BARX2: variants seen among roughly 807,000 people sequenced by gnomAD.
BARX2 encodes the protein BARX homeobox 2, also known as homeobox protein BarH-like 2.
In BARX2, 11 loss-of-function variants were observed where a neutral mutation model predicts 25.5. That is an observed-to-expected ratio of 0.43 (90% CI 0.27 to 0.71). The LOEUF (loss-of-function observed/expected upper bound fraction) is 0.71. BARX2 is among the 30% of genes least tolerant of loss of function. The probability of loss-of-function intolerance (pLI) is 0.19; values close to 1 mark genes in which losing one functional copy is unlikely to be tolerated. For missense variants in BARX2, 360 were observed against 359.9 expected, an observed-to-expected ratio of 1.00 and a Z score of 0.00; for synonymous variants, 137 against 149.5, an observed-to-expected ratio of 0.92 and a Z score of 0.61.
intron 1 of BARX2, among the ~76,000 whole-genome samples, chr11:129,406,700 G>T (rs1034596609): frequency 1.3e-5 from 2 of 152,176 alleles, no homozygotes; most frequent in African/African-American, 4.8e-5. Context: ...CCTCAACGGT[G>T]ATTGAGTTCA....
chr11:129,408,427 A>G (rs1021249945), intron 1 of BARX2, among the ~76,000 whole-genome samples: 1 of 152,198 alleles, frequency 6.6e-6, no homozygotes, highest in Non-Finnish European at 1.5e-5. Flanking sequence ...CAGGCCCTAG[A>G]AGATAGCCAT....
chr11:129,408,876 A>G (rs1364346832), intron 1 of BARX2, among the ~76,000 whole-genome samples: 1 of 152,216 alleles, frequency 6.6e-6, no homozygotes, highest in African/African-American at 2.4e-5. Context: ...CAGGTGCTCA[A>G]TAAATATTTT....
chr11:129,428,729 C>A (rs1367481119), intron 1 of BARX2, among the ~76,000 whole-genome samples: 1 of 152,174 alleles, frequency 6.6e-6, no homozygotes, highest in African/African-American at 2.4e-5. Context: ...TTCTTCTGAA[C>A]TTTAGAGACA....
intron 1 of BARX2, among the ~76,000 whole-genome samples, chr11:129,380,915 T>A (rs1407468691): frequency 2.0e-5 from 3 of 152,066 alleles, no homozygotes; most frequent in African/African-American, 7.2e-5. Flanking sequence ...TAGCTGGGAT[T>A]ACAGGCGCCC....
intron 1 of BARX2, among the ~76,000 whole-genome samples, chr11:129,417,061 C>T (rs533360549): frequency 7.5e-4 from 114 of 152,028 alleles, no homozygotes; most frequent in African/African-American, 2.7e-3. Flanking sequence ...GCCACCACGC[C>T]CGGCTAATTT....
At chr11:129,442,792 C>T in intron 2 of BARX2, 43 bp from the exon 3 acceptor site, 3 of 1,537,192 alleles carry the variant, frequency 2.0e-6, no homozygotes, top group Non-Finnish European at 2.7e-6. Context: ...CTCCTGCTGC[C>T]TCCCATTCTG....
At chr11:129,378,563 C>CTTTTTTTTTTTTTTTTTTTT (rs56804728) in intron 1 of BARX2, among the ~76,000 whole-genome samples, 120 of 111,186 alleles carry the variant, frequency 1.1e-3, no homozygotes, top group Non-Finnish European at 1.4e-3. Flanking sequence ...TTTTCTTTTT[C>CTTTTTTTTTTTTTTTTTTTT]TTTTTTTTTT....
rs1318996304 is a variant in BARX2, at chr11:129,376,313, G to A, written c.187+91G>A. 1.6e-6 allele frequency: 2 copies of A among 1,258,178 alleles called. No individual in the cohort carries two copies. 77.9% of individuals were successfully genotyped at this position (1,258,178 alleles called of 1,614,324 possible). The stretch of plus-strand genomic sequence containing the variant: ...CTTTGCGATCCGAGGGCGAGAGGAA[G>A]GGTTAAGTTAAGGGATTCTTTTCCT... On this transcript the variant is annotated intron_variant, in intron 1 of 3. Coordinates refer to ENST00000281437, the MANE Select transcript of BARX2 (RefSeq NM_003658.5). This position sits in a 1 kb window ranked among gnomAD's most constrained non-coding sequence, Gnocchi z 4.2.
At chr11:129,417,612 G>A (rs1471838527) in intron 1 of BARX2, among the ~76,000 whole-genome samples, 4 of 152,318 alleles carry the variant, frequency 2.6e-5, no homozygotes, top group East Asian at 1.9e-4. Context: ...ATGAAAGCAC[G>A]CTACAGCTGT....
At chr11:129,420,106 G>T (rs1354562666) in intron 1 of BARX2, among the ~76,000 whole-genome samples, 1 of 152,002 alleles carries the variant, frequency 6.6e-6, no homozygotes, top group African/African-American at 2.4e-5. Flanking sequence ...ATTTTTTAGT[G>T]AACAAATCAG....
At chr11:129,422,960 C>T (rs148080043) in intron 1 of BARX2, among the ~76,000 whole-genome samples, 8 of 151,990 alleles carry the variant, frequency 5.3e-5, no homozygotes, top group Non-Finnish European at 1.0e-4. Context: ...GCCTTGGCCT[C>T]CCAAAGTGCT....
chr11:129,397,196 A>C (rs1048256382), intron 1 of BARX2, among the ~76,000 whole-genome samples: 4 of 151,504 alleles, frequency 2.6e-5, no homozygotes, highest in African/African-American at 4.9e-5. Context: ...AATGGGGAGG[A>C]TCTCTTGAAC....
intron 3 of BARX2, among the ~76,000 whole-genome samples, chr11:129,446,291 A>T (rs1441148914): frequency 6.6e-6 from 1 of 152,128 alleles, no homozygotes; most frequent in South Asian, 2.1e-4. Context: ...TAGTGACAGA[A>T]TTGCGTGGGC....
intron 1 of BARX2, among the ~76,000 whole-genome samples, chr11:129,379,129 C>T (rs561937565): frequency 3.0e-4 from 45 of 152,246 alleles, no homozygotes; most frequent in African/African-American, 1.0e-3. Context: ...AAATTTCTCT[C>T]GGTTTCCTAG....
intron 1 of BARX2, among the ~76,000 whole-genome samples, chr11:129,424,311 G>C (rs1862040565): frequency 6.6e-6 from 1 of 152,196 alleles, no homozygotes; most frequent in Admixed American, 6.5e-5. Context: ...ACTTCAAACT[G>C]TAAGCCTCAT....
chr11:129,376,080 C>A lies in BARX2; in HGVS notation c.45C>A (p.Leu15=), dbSNP rs142792520. The A allele has an allele frequency of 6.2e-7, 1 of 1,610,482 alleles. No homozygotes were observed. The highest frequency in any genetic ancestry group is 1.1e-5 in the South Asian group (1 of 90,730). The change falls in exon 1 of 4, where the codon CTC becomes CTA. Residue 15 remains leucine (L), a synonymous_variant. Coordinates refer to ENST00000281437, the MANE Select transcript of BARX2 (RefSeq NM_003658.5). The surrounding 1 kb of genome is among the most constrained non-coding windows in gnomAD (Gnocchi z 4.2). ...AELRLSSPGQ[L]KAARRRYKTF... ...TGAGGCTGAGCTCGCCCGGCCAGCTCAAAGCAGCCAGGCGGCGCTACAAGA... is the reference window on the plus strand; with the variant it reads ...TGAGGCTGAGCTCGCCCGGCCAGCTAAAAGCAGCCAGGCGGCGCTACAAGA...
chr11:129,400,324 C>T (rs1258804677), intron 1 of BARX2, among the ~76,000 whole-genome samples: 1 of 152,118 alleles, frequency 6.6e-6, no homozygotes, highest in African/African-American at 2.4e-5. Context: ...ATGGCGGCAC[C>T]ATGGGACCAT....
At chr11:129,378,790 A>G (rs1381792637) in intron 1 of BARX2, among the ~76,000 whole-genome samples, 1 of 151,564 alleles carries the variant, frequency 6.6e-6, no homozygotes, top group Non-Finnish European at 1.5e-5. Context: ...TTAAAAAGTT[A>G]CCAGCATGTA....
At chr11:129,450,353 C>G (rs1301623905) in intron 3 of BARX2, among the ~76,000 whole-genome samples, 3 of 152,166 alleles carry the variant, frequency 2.0e-5, no homozygotes, top group Non-Finnish European at 4.4e-5. Flanking sequence ...ATCCTGCAAA[C>G]AAGGTGGTGT....
Sources: allele counts gnomAD v4.1 joint callset (sites outside exome capture counted in the v4.1 genomes callset), GRCh38; gene constraint gnomAD v4.1.1; non-coding constraint Gnocchi (gnomAD v3.1); transcripts MANE v1.5; gene names NCBI Gene and HGNC (gene_info 2026-07-23, HGNC 2026-07-21).